The following TAFA1 variants were observed in gnomAD, a reference collection of about 807,000 sequenced individuals.
TAFA1 encodes the protein chemokine-like protein TAFA-1.
In TAFA1, 4 loss-of-function variants were observed where a neutral mutation model predicts 18.5. The observed-to-expected ratio is 0.22, with a 90% CI of 0.11 to 0.49. The LOEUF (loss-of-function observed/expected upper bound fraction) is 0.49, where lower values mean the gene tolerates loss of function less well. Among genes scored for constraint, TAFA1 ranks in the 20% least tolerant of loss-of-function variants. The pLI, the probability that TAFA1 is intolerant of heterozygous loss-of-function variation, is 0.98. For missense variants in TAFA1, 147 were observed against 169.0 expected, an observed-to-expected ratio of 0.87 and a Z score of 0.72; for synonymous variants, 56 against 55.2, an observed-to-expected ratio of 1.01 and a Z score of -0.06.
intron 2 of TAFA1, among the ~76,000 whole-genome samples, chr3:68,007,623 C>T (rs1559699464): frequency 6.6e-6 from 1 of 151,642 alleles, no homozygotes; most frequent in East Asian, 2.0e-4. Flanking sequence ...CCTCCCCTCC[C>T]TTCCTCTCTC....
At chr3:68,138,126 A>T (rs982391257) in intron 2 of TAFA1, among the ~76,000 whole-genome samples, 1 of 152,206 alleles carries the variant, frequency 6.6e-6, no homozygotes, top group South Asian at 2.1e-4. Context: ...CTTAACAATC[A>T]TCGAGAGTTT....
chr3:68,308,533 C>G (rs2068459448), intron 2 of TAFA1, among the ~76,000 whole-genome samples: 1 of 152,006 alleles, frequency 6.6e-6, no homozygotes, highest in South Asian at 2.1e-4. Flanking sequence ...ACATGCTAAC[C>G]AATTGCACCA....
At chr3:68,486,549 C>T (rs35725478) in intron 3 of TAFA1, among the ~76,000 whole-genome samples, 32,787 of 152,084 alleles carry the variant, frequency 0.22, 3,826 homozygotes, top group African/African-American at 0.29. Flanking sequence ...GTGGAACGCT[C>T]TTTGATCTAA....
chr3:68,317,001 G>A (rs903077627), intron 2 of TAFA1, among the ~76,000 whole-genome samples: 3 of 152,040 alleles, frequency 2.0e-5, no homozygotes, highest in Admixed American at 6.6e-5. Flanking sequence ...AGCAGTATAT[G>A]AGTGACTCAG....
At chr3:68,178,052 GA>G (rs1332067785) in intron 2 of TAFA1, among the ~76,000 whole-genome samples, 1 of 152,100 alleles carries the variant, frequency 6.6e-6, no homozygotes, top group African/African-American at 2.4e-5. Context: ...GCTGAGGCAG[GA>G]GAATGGCGTG....
rs191362811 is a variant in TAFA1, at chr3:68,356,661, T to C, written c.119-60619T>C. Among the ~76,000 whole-genome samples the C allele has an allele frequency of 4.1e-4, 62 of 151,936 alleles. No individual in the cohort carries two copies. The East Asian group carries it at 0.011, about 27-fold the overall frequency. ...CAAAGATCCTAAAACTTAGAGAGATTATATGATTTCCCAAGATTATAAAGG... is the reference window on the plus strand; with the variant it reads ...CAAAGATCCTAAAACTTAGAGAGATCATATGATTTCCCAAGATTATAAAGG... On this transcript the variant is annotated intron_variant, in intron 2 of 4. Transcript: ENST00000478136.
intron 2 of TAFA1, among the ~76,000 whole-genome samples, chr3:68,299,228 G>A (rs76687349): frequency 1.3e-5 from 2 of 152,162 alleles, no homozygotes; most frequent in African/African-American, 4.8e-5. Context: ...TTCATACAGA[G>A]CATTTCCAAA....
intron 2 of TAFA1, among the ~76,000 whole-genome samples, chr3:68,285,149 T>C (rs2067972459): frequency 6.6e-6 from 1 of 152,040 alleles, no homozygotes; most frequent in Non-Finnish European, 1.5e-5. Context: ...CAAAACACTA[T>C]ATTGAGTGAA....
At chr3:68,237,850 G>A (rs1056177410) in intron 2 of TAFA1, among the ~76,000 whole-genome samples, 1 of 152,130 alleles carries the variant, frequency 6.6e-6, no homozygotes, top group Non-Finnish European at 1.5e-5. Flanking sequence ...AGTATCAAGA[G>A]ATTGACTGAC....
intron 2 of TAFA1, among the ~76,000 whole-genome samples, chr3:68,273,479 T>C (rs1287097453): frequency 6.6e-6 from 1 of 152,212 alleles, no homozygotes; most frequent in Admixed American, 6.5e-5. Flanking sequence ...TTAGGTAAAT[T>C]TGTCAAATCA....
chr3:68,428,629 C>T (rs1559665752), intron 3 of TAFA1, among the ~76,000 whole-genome samples: 2 of 151,872 alleles, frequency 1.3e-5, no homozygotes, highest in Admixed American at 1.3e-4. Flanking sequence ...CCCCATTTCA[C>T]CTGTTTCGTT....
intron 2 of TAFA1, among the ~76,000 whole-genome samples, chr3:68,210,928 A>T (rs1298864103): frequency 6.6e-6 from 1 of 151,966 alleles, no homozygotes; most frequent in Non-Finnish European, 1.5e-5. Context: ...GGCATCTGTA[A>T]GCTTTATGGG....
At chr3:68,129,740 A>G (rs960157879) in intron 2 of TAFA1, among the ~76,000 whole-genome samples, 2 of 152,306 alleles carry the variant, frequency 1.3e-5, no homozygotes, top group South Asian at 2.1e-4. Flanking sequence ...TGTCTCAATA[A>G]TAGTCTTTCT....
At chr3:68,499,446 C>CTTTTTTTTTTTTTTTTTTT (rs752597708) in intron 3 of TAFA1, among the ~76,000 whole-genome samples, 1 of 112,176 alleles carries the variant, frequency 8.9e-6, no homozygotes. Flanking sequence ...GTGTTCCTTT[C>CTTTTTTTTTTTTTTTTTTT]TTTTTTTTTT....
At chr3:68,252,590 C>T (rs1039743361) in intron 2 of TAFA1, among the ~76,000 whole-genome samples, 21 of 152,144 alleles carry the variant, frequency 1.4e-4, no homozygotes, top group African/African-American at 4.8e-5. Context: ...TCTCTCTTAT[C>T]ATTGGAGGCA....
chr3:68,182,757 TA>T, intron 2 of TAFA1, among the ~76,000 whole-genome samples: 1 of 152,178 alleles, frequency 6.6e-6, no homozygotes. Flanking sequence ...AAACCCTACG[TA>T]AAACATATTG....
chr3:68,060,482 C>A (rs6786795), intron 2 of TAFA1, among the ~76,000 whole-genome samples: 143,677 of 152,270 alleles, frequency 0.94, 67,864 homozygotes, highest in South Asian at 0.97. Flanking sequence ...TTTACCTTGA[C>A]GGAGTGAAAC....
chr3:68,199,561 T>C (rs987287905), intron 2 of TAFA1, among the ~76,000 whole-genome samples: 2 of 151,534 alleles, frequency 1.3e-5, no homozygotes, highest in African/African-American at 4.8e-5. Flanking sequence ...TTTCCTCATA[T>C]AAAGATATTT....
At chr3:68,151,221 A>T (rs1255770824) in intron 2 of TAFA1, among the ~76,000 whole-genome samples, 3 of 152,138 alleles carry the variant, frequency 2.0e-5, no homozygotes, top group Admixed American at 6.5e-5. Flanking sequence ...TTGTAATACT[A>T]TGCCAGTTCC....
Sources: allele counts gnomAD v4.1 joint callset (sites outside exome capture counted in the v4.1 genomes callset), GRCh38; gene constraint gnomAD v4.1.1; transcripts MANE v1.5; gene names NCBI Gene and HGNC (gene_info 2026-07-23, HGNC 2026-07-21).